Variants in NAA11 observed in about 807,000 individuals in gnomAD.
NAA11 encodes N-alpha-acetyltransferase 11.
NAA11 carries 15 observed loss-of-function variants against 16.1 expected under a neutral mutation model. The ratio of observed to expected loss-of-function variants is 0.93; its 90% CI spans 0.62 to 1.44. NAA11 has a LOEUF of 1.44. Ranked by LOEUF, NAA11 falls within the 40% of genes most tolerant of loss-of-function variation. The pLI, the probability that NAA11 is intolerant of heterozygous loss-of-function variation, is 0.00. For missense variants in NAA11, 298 were observed against 291.3 expected (o/e 1.02, Z -0.17); for synonymous variants, 122 against 112.4 (o/e 1.09, Z -0.54).
chr4:79,172,884 A>G, the NAA11 span, among the ~76,000 whole-genome samples: 1 of 152,288 alleles, frequency 6.6e-6, no homozygotes, highest in Middle Eastern at 3.4e-3. Flanking sequence ...ATCTTGCTCA[A>G]CTGTTATTTT....
chr4:79,220,161 C>T, the NAA11 span, among the ~76,000 whole-genome samples: 5 of 152,180 alleles, frequency 3.3e-5, no homozygotes, highest in African/African-American at 1.2e-4. Context: ...GGCACGATCT[C>T]GGCTCACTGT....
At chr4:79,166,224 G>A in the NAA11 span, among the ~76,000 whole-genome samples, 4 of 152,102 alleles carry the variant, frequency 2.6e-5, no homozygotes, top group Non-Finnish European at 4.4e-5. Flanking sequence ...TCTCTTGCAC[G>A]TCTTGCTGCT....
At chr4:79,230,284 G>A (rs1163343033) in intron 2 of NAA11, among the ~76,000 whole-genome samples, 1 of 151,830 alleles carries the variant, frequency 6.6e-6, no homozygotes, top group Admixed American at 6.6e-5. Context: ...TGGGGTGGGG[G>A]GAGAGGGGAG....
At chr4:79,238,637 G>A (rs1721620694) in intron 2 of NAA11, among the ~76,000 whole-genome samples, 1 of 152,112 alleles carries the variant, frequency 6.6e-6, no homozygotes, top group African/African-American at 2.4e-5. Flanking sequence ...TAATAAAAGT[G>A]AAGGAAGAAG....
downstream of NAA11, among the ~76,000 whole-genome samples, chr4:79,314,715 A>G (rs1723877950): frequency 6.6e-6 from 1 of 150,976 alleles, no homozygotes; most frequent in Non-Finnish European, 1.5e-5. Flanking sequence ...CATGGAAAAC[A>G]ATTTCAGTGT....
intron 2 of NAA11, among the ~76,000 whole-genome samples, chr4:79,281,654 T>A (rs1722790820): frequency 6.6e-6 from 1 of 152,102 alleles, no homozygotes; most frequent in East Asian, 1.9e-4. Context: ...CTGATTAGGA[T>A]CTGATTACAT....
At chr4:79,271,426 A>G (rs1722490248) in intron 2 of NAA11, among the ~76,000 whole-genome samples, 1 of 152,016 alleles carries the variant, frequency 6.6e-6, no homozygotes, top group Non-Finnish European at 1.5e-5. Flanking sequence ...GGTAGGAAGA[A>G]TCAATATTGT....
At chr4:79,158,925 C>G in the NAA11 span, among the ~76,000 whole-genome samples, 1 of 151,734 alleles carries the variant, frequency 6.6e-6, no homozygotes, top group Non-Finnish European at 1.5e-5. Context: ...AGAAAGAATA[C>G]AAAAGTCAAC....
chr4:79,296,418 G>A (rs1416939463), intron 1 of NAA11, among the ~76,000 whole-genome samples: 2 of 152,152 alleles, frequency 1.3e-5, no homozygotes, highest in African/African-American at 4.8e-5. Context: ...ACCTTACCCA[G>A]TGCCTAGAAC....
intron 2 of NAA11, among the ~76,000 whole-genome samples, chr4:79,240,374 A>G (rs1721664936): frequency 2.0e-5 from 3 of 152,304 alleles, no homozygotes; most frequent in East Asian, 1.9e-4. Context: ...ATGAGGTTCC[A>G]TTTTACAGGA....
At chr4:79,190,364 G>A in the NAA11 span, among the ~76,000 whole-genome samples, 2 of 151,918 alleles carry the variant, frequency 1.3e-5, no homozygotes, top group Admixed American at 1.3e-4. Context: ...GTTTGTATAT[G>A]AAGAGCCTTT....
chr4:79,221,619 T>G (rs982031085), downstream of NAA11, among the ~76,000 whole-genome samples: 8 of 101,758 alleles, frequency 7.9e-5, no homozygotes, highest in African/African-American at 2.3e-4. Context: ...TTTTTCTGCA[T>G]CTATTGAGAT....
the NAA11 span, among the ~76,000 whole-genome samples, chr4:79,177,068 G>A: frequency 6.6e-6 from 1 of 151,916 alleles, no homozygotes; most frequent in African/African-American, 2.4e-5. Context: ...AAATGAGGTT[G>A]TTGTCTCACA....
chr4:79,321,296 G>A (rs1724081856), intron 1 of NAA11, among the ~76,000 whole-genome samples: 1 of 152,324 alleles, frequency 6.6e-6, no homozygotes, highest in Non-Finnish European at 1.5e-5. Flanking sequence ...AAACTATGCT[G>A]TGTTGTTGCT....
At chr4:79,318,344 A>G (rs1053508552) in intron 1 of NAA11, among the ~76,000 whole-genome samples, 1 of 152,236 alleles carries the variant, frequency 6.6e-6, no homozygotes, top group Non-Finnish European at 1.5e-5. Flanking sequence ...TGCCCTAATT[A>G]CATCAGGTAA....
chr4:79,231,734 T>A (rs954219363), intron 2 of NAA11, among the ~76,000 whole-genome samples: 2 of 151,724 alleles, frequency 1.3e-5, no homozygotes, highest in Non-Finnish European at 2.9e-5. Flanking sequence ...TTTATTATTG[T>A]CAAAAATAAT....
chr4:79,307,944 T>C (rs959969369), intron 1 of NAA11, among the ~76,000 whole-genome samples: 2 of 152,202 alleles, frequency 1.3e-5, no homozygotes, highest in Non-Finnish European at 2.9e-5. Flanking sequence ...TCCAAATAAA[T>C]TTCCACTATG....
chr4:79,265,803 A>G (rs1722332159), intron 2 of NAA11, among the ~76,000 whole-genome samples: 1 of 151,804 alleles, frequency 6.6e-6, no homozygotes, highest in African/African-American at 2.4e-5. Context: ...TTTTGTAGAG[A>G]TGAGGGTCTT....
At chr4:79,303,079 TATATATATATATATATATATATATATATA>T (rs1560463059) in intron 1 of NAA11, among the ~76,000 whole-genome samples, 2 of 13,362 alleles carry the variant, frequency 1.5e-4, no homozygotes, top group Non-Finnish European at 3.2e-4. Flanking sequence ...AGGCCTTTTA[TATATATATATATATATATATATATATATA>T]TATATATATA....
Sources: allele counts gnomAD v4.1 joint callset (sites outside exome capture counted in the v4.1 genomes callset), GRCh38; gene constraint gnomAD v4.1.1; transcripts MANE v1.5; gene names NCBI Gene and HGNC (gene_info 2026-07-23, HGNC 2026-07-21).